Variants in AFF1 observed in about 807,000 individuals in gnomAD.
The protein encoded by AFF1 is AF4/FMR2 family member 1.
Under a neutral mutation model 121.7 loss-of-function variants are expected in AFF1, and 48 were observed. The observed-to-expected ratio is 0.39, with a 90% CI of 0.31 to 0.50. AFF1 has a LOEUF of 0.50. Ranked by LOEUF, AFF1 falls within the 20% of genes least tolerant of loss-of-function variation. AFF1 has a pLI of 0.76. For missense variants in AFF1, 1,523 were observed against 1,511.7 expected (o/e 1.01, Z -0.12); for synonymous variants, 613 against 563.0 (o/e 1.09, Z -1.26).
intron 1 of AFF1, among the ~76,000 whole-genome samples, chr4:86,941,107 T>C (rs1042154593): frequency 2.6e-5 from 4 of 151,992 alleles, no homozygotes; most frequent in African/African-American, 9.7e-5. Context: ...ACAAAACCTG[T>C]GAAGGGAGAG....
intron 11 of AFF1, among the ~76,000 whole-genome samples, chr4:87,111,152 C>T (rs1407349337): frequency 3.8e-5 from 3 of 79,962 alleles, no homozygotes; most frequent in South Asian, 3.9e-4. Context: ...GGACTACAGG[C>T]GCCCGCTACC....
chr4:86,963,779 TACC>T (rs1050542318), intron 2 of AFF1, among the ~76,000 whole-genome samples: 3 of 151,678 alleles, frequency 2.0e-5, no homozygotes, highest in Non-Finnish European at 2.9e-5. Flanking sequence ...TCAGCTGAAA[TACC>T]ACCTTTTCTT....
chr4:86,968,504 T>TTCAGGCGGG (rs1722691269), intron 2 of AFF1, among the ~76,000 whole-genome samples: 1 of 152,204 alleles, frequency 6.6e-6, no homozygotes, highest in African/African-American at 2.4e-5. Flanking sequence ...AGTATGATAT[T>TTCAGGCGGG]TCGACTGTGC....
At chr4:86,948,706 G>C in intron 2 of AFF1, 135 bp downstream of exon 2, 6 of 828,504 alleles carry the variant, frequency 7.2e-6, no homozygotes, top group Non-Finnish European at 1.1e-5. Context: ...GAAATTTTCA[G>C]TTTTCTCTAC....
chr4:86,951,889 C>A (rs1280519016), intron 2 of AFF1, among the ~76,000 whole-genome samples: 1 of 150,896 alleles, frequency 6.6e-6, no homozygotes, highest in Non-Finnish European at 1.5e-5. Context: ...GCTGGGATTA[C>A]AGGCGTGGGC....
chr4:87,022,580 ATATC>A (rs1194224274), intron 2 of AFF1, among the ~76,000 whole-genome samples: 36 of 89,306 alleles, frequency 4.0e-4, no homozygotes, highest in African/African-American at 1.6e-3. Context: ...ATATATATAT[ATATC>A]TATCTATATC....
intron 2 of AFF1, among the ~76,000 whole-genome samples, chr4:86,997,508 A>G (rs1180486302): frequency 6.6e-6 from 1 of 151,950 alleles, no homozygotes; most frequent in Non-Finnish European, 1.5e-5. Flanking sequence ...CATGCCTGTA[A>G]TCCCAGCACT....
intron 2 of AFF1, among the ~76,000 whole-genome samples, chr4:86,970,598 C>A (rs1181881226): frequency 6.6e-6 from 1 of 152,106 alleles, no homozygotes; most frequent in Non-Finnish European, 1.5e-5. Context: ...TATGGGTAAA[C>A]ATGTATTATA....
intron 2 of AFF1, among the ~76,000 whole-genome samples, chr4:87,006,818 C>T (rs1726167793): frequency 6.6e-6 from 1 of 152,240 alleles, no homozygotes; most frequent in African/African-American, 2.4e-5. Flanking sequence ...ACCAGCAGGG[C>T]TTGTCGGCGC....
chr4:86,952,597 A>G (rs1243616299), intron 2 of AFF1, among the ~76,000 whole-genome samples: 1 of 151,872 alleles, frequency 6.6e-6, no homozygotes, highest in African/African-American at 2.4e-5. Context: ...ACAAACCTGC[A>G]TGTTCTGCAC....
chr4:87,129,733 T>C (rs887085049), intron 16 of AFF1, among the ~76,000 whole-genome samples: 6 of 152,212 alleles, frequency 3.9e-5, no homozygotes, highest in South Asian at 2.1e-4. Flanking sequence ...GAAATATACA[T>C]GTATACTACA....
chr4:87,020,571 A>G (rs1017090780), intron 2 of AFF1, among the ~76,000 whole-genome samples: 5 of 151,950 alleles, frequency 3.3e-5, no homozygotes, highest in Non-Finnish European at 7.4e-5. Flanking sequence ...TGTAACCTCC[A>G]CCTCCTGGGT....
At chr4:87,130,698 G>A (rs796963665) in intron 16 of AFF1, among the ~76,000 whole-genome samples, 22 of 152,210 alleles carry the variant, frequency 1.4e-4, no homozygotes, top group African/African-American at 4.8e-4. Flanking sequence ...ACTTCAGCAC[G>A]CACAAAGAAA....
chr4:87,046,948 A>G lies in AFF1; in HGVS notation c.413A>G (p.His138Arg). The G allele has an allele frequency of 6.2e-7, 1 of 1,614,212 alleles. No homozygotes were observed. The highest frequency in any genetic ancestry group is 8.5e-7 in the Non-Finnish European group (1 of 1,180,036). The change falls in exon 4 of 21, where the codon CAC (histidine) becomes CGC (arginine). Residue 138 changes from histidine (H) to arginine (R), a missense_variant. Transcript: ENST00000395146. ...SGPLSVGNIS[H>R]NPKMAQPRTE... ...CCACTTTCTGTTGGCAACATTAGCC[A>G]CAATCCAAAGATGGCGCAGCCAAGA...
chr4:87,099,443 T>C (rs1725195395), intron 8 of AFF1, among the ~76,000 whole-genome samples: 1 of 152,212 alleles, frequency 6.6e-6, no homozygotes, highest in African/African-American at 2.4e-5. Flanking sequence ...AGGGTCTCAT[T>C]CTGTCACCCA....
rs1214004068 is a variant in AFF1, at chr4:86,939,268, TGAA to T, written c.-37+4033_-37+4035del. Reference sequence around the variant, plus strand: ...CCATTTTAAAATCAGGAAATTGAGTTGAAGAAGTTAAGTGACTTGACTCTGTGA... The same window carrying T: ...CCATTTTAAAATCAGGAAATTGAGTTGAAGTTAAGTGACTTGACTCTGTGA... On this transcript the variant is annotated intron_variant, in intron 1 of 20. Transcript: ENST00000395146. Among the ~76,000 whole-genome samples, 17 of 148,168 alleles carry T rather than the reference TGAA, an allele frequency of 1.1e-4. No individual in the cohort carries two copies. In the East Asian group the frequency reaches 1.7e-3, roughly 15 times the overall value.
chr4:87,081,151 A>AGTTTTT (rs1560606159), intron 4 of AFF1, among the ~76,000 whole-genome samples: 1 of 101,666 alleles, frequency 9.8e-6, no homozygotes. Context: ...TAATGAAATG[A>AGTTTTT]ATTTTTTTTT....
chr4:87,057,283 G>A (rs1182399611), intron 4 of AFF1, among the ~76,000 whole-genome samples: 1 of 152,052 alleles, frequency 6.6e-6, no homozygotes, highest in Admixed American at 6.6e-5. Flanking sequence ...GGCAAGATAG[G>A]GCCAGCTTTT....
intron 2 of AFF1, chr4:86,950,175 C>T (rs1341643935): frequency 7.1e-7 from 1 of 1,408,732 alleles, no homozygotes; most frequent in Non-Finnish European, 1.0e-6. Flanking sequence ...ATGTCTCATC[C>T]CGAGGTATTA....
Sources: gnomAD v4.1 joint callset for allele counts (sites outside exome capture counted in the v4.1 genomes callset) on GRCh38, gnomAD v4.1.1 for gene constraint, MANE v1.5 for transcripts, NCBI Gene and HGNC (gene_info 2026-07-23, HGNC 2026-07-21) for gene names.